The following CALN1 variants were observed in gnomAD, a reference collection of about 807,000 sequenced individuals.
The protein encoded by CALN1 is calneuron 1.
Under a neutral mutation model 30.6 loss-of-function variants are expected in CALN1, and 17 were observed. That is an observed-to-expected ratio of 0.56 (90% confidence interval 0.38 to 0.83). The LOEUF (loss-of-function observed/expected upper bound fraction) is 0.83, where lower values mean the gene tolerates loss of function less well. Among genes scored for constraint, CALN1 ranks in the 40% least tolerant of loss-of-function variants. The pLI, the probability that CALN1 is intolerant of heterozygous loss-of-function variation, is 0.00. For synonymous variants in CALN1, 156 were observed against 131.4 expected (o/e 1.19, Z -1.28); for missense variants, 291 against 354.9 (o/e 0.82, Z 1.45).
chr7:72,283,585 CAGTG>C (rs1247104457), intron 2 of CALN1, among the ~76,000 whole-genome samples: 9 of 152,166 alleles, frequency 5.9e-5, no homozygotes, highest in African/African-American at 1.7e-4. Context: ...GGCATCTGCT[CAGTG>C]AGTAACACCA....
intron 3 of CALN1, among the ~76,000 whole-genome samples, chr7:72,186,485 G>A (rs369004152): frequency 1.3e-5 from 2 of 152,164 alleles, no homozygotes; most frequent in South Asian, 2.1e-4. Flanking sequence ...TGACGACATC[G>A]CATGATGCTG....
intron 6 of CALN1, among the ~76,000 whole-genome samples, chr7:71,790,991 A>G (rs1207922796): frequency 2.6e-5 from 4 of 152,184 alleles, no homozygotes; most frequent in Non-Finnish European, 4.4e-5. Flanking sequence ...ACATGCCTTT[A>G]GAGAATATAA....
chr7:72,379,305 C>T (rs539799940), intron 2 of CALN1, among the ~76,000 whole-genome samples: 15 of 152,234 alleles, frequency 9.9e-5, no homozygotes, highest in Admixed American at 2.6e-4. Context: ...AATTTATTCT[C>T]ATTTTCTCTG....
intron 2 of CALN1, among the ~76,000 whole-genome samples, chr7:72,390,575 C>T (rs1337444800): frequency 1.3e-5 from 2 of 152,106 alleles, no homozygotes; most frequent in East Asian, 3.9e-4. Flanking sequence ...CCTTTATTTC[C>T]ATTATCCTAT....
chr7:71,998,705 C>T (rs1285293862), intron 5 of CALN1, among the ~76,000 whole-genome samples: 1 of 151,756 alleles, frequency 6.6e-6, no homozygotes, highest in African/African-American at 2.4e-5. Flanking sequence ...AAGTAGCGTA[C>T]ACCAACATGC....
At chr7:72,146,832 A>T (rs1786784502) in intron 3 of CALN1, among the ~76,000 whole-genome samples, 1 of 152,218 alleles carries the variant, frequency 6.6e-6, no homozygotes. Flanking sequence ...CAACTATCTG[A>T]TCTTTGACAA....
chr7:72,183,011 A>G (rs4577845), intron 3 of CALN1, among the ~76,000 whole-genome samples: 76,990 of 151,842 alleles, frequency 0.51, 21,738 homozygotes, highest in Non-Finnish European at 0.66. Context: ...TTGTCAAGCA[A>G]AAGTAATATG....
intron 2 of CALN1, among the ~76,000 whole-genome samples, chr7:72,397,531 G>A (rs549544856): frequency 6.6e-5 from 10 of 152,236 alleles, no homozygotes; most frequent in African/African-American, 2.4e-4. Flanking sequence ...GGAGTGAAGG[G>A]GTGACTAGAA....
intron 4 of CALN1, among the ~76,000 whole-genome samples, chr7:72,067,774 A>G (rs1804124311): frequency 6.6e-6 from 1 of 152,014 alleles, no homozygotes; most frequent in Non-Finnish European, 1.5e-5. Flanking sequence ...GGCACTTGGT[A>G]TGCTTGGGCC....
chr7:72,138,772 C>G (rs1455554640), intron 3 of CALN1, among the ~76,000 whole-genome samples: 1 of 152,204 alleles, frequency 6.6e-6, no homozygotes, highest in African/African-American at 2.4e-5. Flanking sequence ...CCTCTCTCCC[C>G]TGGGTCCCCC....
At chr7:72,349,489 G>C (rs919309996) in intron 2 of CALN1, among the ~76,000 whole-genome samples, 1 of 151,974 alleles carries the variant, frequency 6.6e-6, no homozygotes, top group Non-Finnish European at 1.5e-5. Flanking sequence ...GAAAACCAAT[G>C]ATAGAGAAAA....
chr7:72,291,314 A>AC (rs1798464416), intron 2 of CALN1, among the ~76,000 whole-genome samples: 1 of 151,788 alleles, frequency 6.6e-6, no homozygotes, highest in South Asian at 2.1e-4. Flanking sequence ...TTTTTGTACT[A>AC]CTCTGACTTT....
At chr7:71,981,485 G>C (rs1156825714) in intron 5 of CALN1, among the ~76,000 whole-genome samples, 2 of 151,988 alleles carry the variant, frequency 1.3e-5, no homozygotes, top group East Asian at 3.9e-4. Context: ...CCAGCATGGT[G>C]AAACTCTGCC....
At chr7:72,419,647 A>G (rs1807545463) in intron 1 of CALN1, among the ~76,000 whole-genome samples, 1 of 151,868 alleles carries the variant, frequency 6.6e-6, no homozygotes, top group Non-Finnish European at 1.5e-5. Context: ...AGCTGGCCCA[A>G]TTTTTCTGCC....
chr7:72,130,924 G>T (rs1417316822), intron 3 of CALN1, among the ~76,000 whole-genome samples: 1 of 152,106 alleles, frequency 6.6e-6, no homozygotes, highest in African/African-American at 2.4e-5. Flanking sequence ...ATCAGGAAAT[G>T]ACTTAATCAA....
chr7:72,345,078 G>C (rs144293512), intron 2 of CALN1, among the ~76,000 whole-genome samples: 7 of 148,040 alleles, frequency 4.7e-5, no homozygotes, highest in African/African-American at 1.7e-4. Context: ...TGCATGTTAT[G>C]TATAATTATA....
In CALN1 at chr7:71,782,844, G is replaced by C. The variant is rs2115764487; in HGVS notation, c.*4931C>G. 6.6e-6 allele frequency: 1 copy of C among 152,324 alleles called. No homozygotes were observed. Among genetic ancestry groups the C allele is most frequent in the Admixed American group, 6.5e-5 (1 of 15,300 alleles). 9.4% of individuals were successfully genotyped at this position (152,324 alleles called of 1,614,324 possible). A position where few individuals can be genotyped will look rare whatever the true frequency, so the allele number is the denominator to read the frequency against. On this transcript the variant is annotated 3_prime_UTR_variant, in exon 7 of 7. Transcript: ENST00000395275. ...TGCAGCCTCCGCCTCCAGGGTTCAAGTGATTCTCCCTCCTCAGCCTCCAGA... is the reference window on the plus strand; with the variant it reads ...TGCAGCCTCCGCCTCCAGGGTTCAACTGATTCTCCCTCCTCAGCCTCCAGA...
At chr7:71,807,376 T>C (rs947565568) in intron 6 of CALN1, among the ~76,000 whole-genome samples, 35 of 152,194 alleles carry the variant, frequency 2.3e-4, no homozygotes, top group Non-Finnish European at 3.5e-4. Flanking sequence ...AGGGAGGCTC[T>C]TTCTTGCATG....
In CALN1 at chr7:72,262,153, C is replaced by T. The variant is rs377262604; in HGVS notation, c.244+16533G>A. Among the ~76,000 whole-genome samples the T allele has an allele frequency of 4.5e-4, 68 of 152,148 alleles. 1 individual carries two copies. Among genetic ancestry groups the T allele is most frequent in the Non-Finnish European group, 8.7e-4 (59 of 68,024 alleles). The stretch of plus-strand genomic sequence containing the variant: ...GGCCTTGCTTTCAGCCTCCCCATGT[C>T]CCATCACCACCGCAGCTCCTACCCA... On this transcript the variant is annotated intron_variant, in intron 3 of 6. Coordinates refer to ENST00000395275, the MANE Select transcript of CALN1 (RefSeq NM_031468.4).
Sources: allele counts gnomAD v4.1 joint callset (sites outside exome capture counted in the v4.1 genomes callset), GRCh38; gene constraint gnomAD v4.1.1; transcripts MANE v1.5; gene names NCBI Gene and HGNC (gene_info 2026-07-23, HGNC 2026-07-21).